RFTN1: variants seen among roughly 807,000 people sequenced by gnomAD.
The protein encoded by RFTN1 is raftlin.
Under a neutral mutation model 46.5 loss-of-function variants are expected in RFTN1, and 26 were observed. That is an observed-to-expected ratio of 0.56 (90% CI 0.41 to 0.78). The LOEUF (loss-of-function observed/expected upper bound fraction) is 0.78. Among genes scored for constraint, RFTN1 ranks in the 30% least tolerant of loss-of-function variants. The pLI is 0.00. For missense variants in RFTN1, 693 were observed against 718.7 expected (o/e 0.96, Z 0.41); for synonymous variants, 261 against 284.2 (o/e 0.92, Z 0.82).
At position 16,507,370 on chromosome 3, in the gene RFTN1, T is replaced by C. The variant is rs1221839613; in HGVS notation, c.-9+6072A>G. ...AAGACCTCTCTAAATTAAAGAAGTG[T>C]TTAAATAAACAACCTGATTTCTTGT... On this transcript the variant is annotated intron_variant, in intron 1 of 9. Coordinates refer to ENST00000334133, the MANE Select transcript of RFTN1 (RefSeq NM_015150.2). The surrounding 1 kb of genome is among the most constrained non-coding windows in gnomAD (Gnocchi z 7.1). 6.6e-6 allele frequency among the ~76,000 whole-genome samples: 1 copy of C among 152,132 alleles called. No individual in the cohort carries two copies. Among genetic ancestry groups the C allele is most frequent in the African/African-American group, 2.4e-5 (1 of 41,412 alleles).
intron 2 of RFTN1, among the ~76,000 whole-genome samples, chr3:16,472,978 A>G (rs189575816): frequency 6.6e-6 from 1 of 152,310 alleles, no homozygotes; most frequent in Admixed American, 6.5e-5. Flanking sequence ...ATCTGCACAG[A>G]GTCAGACAGG....
Position 16,370,141 on chromosome 3 carries a change from A to T in RFTN1, c.965T>A (p.Met322Lys), listed in dbSNP as rs769019259. The change falls in exon 6 of 10, where the codon ATG (methionine) becomes AAG (lysine). Residue 322 changes from methionine (M) to lysine (K), a missense_variant. Met to Lys is a moderately conservative substitution (Grantham distance 95). Transcript: ENST00000334133. The surrounding 1 kb of genome is among the most constrained non-coding windows in gnomAD (Gnocchi z 5.5). ...SGLDANWLEH[M>K]SDHFRKGGML... ...GCCTCCTTTCCGGAAGTGGTCGCTC[A>T]TGTGCTCTAACCAGTTGGCGTCCAA... 2 of 1,614,214 alleles carry T rather than the reference A, an allele frequency of 1.2e-6. No individual in the cohort carries two copies. Among genetic ancestry groups the T allele is most frequent in the Non-Finnish European group, 1.7e-6 (2 of 1,180,034 alleles).
intron 2 of RFTN1, among the ~76,000 whole-genome samples, chr3:16,445,483 T>TCTCACACACACACA (rs1352210263): frequency 1.5e-4 from 19 of 126,856 alleles, no homozygotes; most frequent in African/African-American, 4.9e-4. Flanking sequence ...TCTCTCTCTC[T>TCTCACACACACACA]CACACACACA....
At chr3:16,395,007 A>G (rs2074435065) in intron 4 of RFTN1, among the ~76,000 whole-genome samples, 1 of 152,242 alleles carries the variant, frequency 6.6e-6, no homozygotes, top group Admixed American at 6.5e-5. Flanking sequence ...GCAATAATAC[A>G]TGAAAAAAAA....
In RFTN1 at chr3:16,479,627, G is replaced by A. The variant is rs184538874; in HGVS notation, c.145+14098C>T. Among the ~76,000 whole-genome samples, 145 of 152,310 alleles carry A rather than the reference G, an allele frequency of 9.5e-4. No individual in the cohort carries two copies. The highest frequency in any genetic ancestry group is 3.4e-3 in the Middle Eastern group (1 of 292). The stretch of plus-strand genomic sequence containing the variant: ...AGCAAGCCATGATGGACTGAAGACC[G>A]GTGAGCCCATGCTCAGGGCATCTTT... On this transcript the variant is annotated intron_variant, in intron 2 of 9. Coordinates refer to ENST00000334133, the MANE Select transcript of RFTN1 (RefSeq NM_015150.2). This position sits in a 1 kb window ranked among gnomAD's most constrained non-coding sequence, Gnocchi z 5.1.
rs1402566392 is a variant in RFTN1, at chr3:16,459,727, C to CT, written c.146-25691dup. Reference sequence around the variant, plus strand: ...ATTCACTTGCTTAAATAAGCCATCACTTATATCTAGTCAATATCATCATGT... The same window carrying CT: ...ATTCACTTGCTTAAATAAGCCATCACTTTATATCTAGTCAATATCATCATGT... On this transcript the variant is annotated intron_variant, in intron 2 of 9. Coordinates refer to ENST00000334133, the MANE Select transcript of RFTN1 (RefSeq NM_015150.2). This position sits in a 1 kb window ranked among gnomAD's most constrained non-coding sequence, Gnocchi z 4.2. Among the ~76,000 whole-genome samples the CT allele has an allele frequency of 6.6e-6, 1 of 151,654 alleles. No individual in the cohort carries two copies. Among genetic ancestry groups the CT allele is most frequent in the African/African-American group, 2.4e-5 (1 of 41,068 alleles).
intron 6 of RFTN1, among the ~76,000 whole-genome samples, chr3:16,369,840 C>G (rs2073419467): frequency 6.6e-6 from 1 of 152,218 alleles, no homozygotes; most frequent in Non-Finnish European, 1.5e-5. Context: ...TAGAATCACT[C>G]CACTTTCTCT....
intron 2 of RFTN1, among the ~76,000 whole-genome samples, chr3:16,455,535 A>C (rs1481158160): frequency 6.6e-6 from 1 of 152,200 alleles, no homozygotes; most frequent in African/African-American, 2.4e-5. Flanking sequence ...AAGGATTAGG[A>C]AAATTCTAAA....
intron 6 of RFTN1, among the ~76,000 whole-genome samples, chr3:16,364,105 A>T (rs111967361): frequency 2.6e-5 from 4 of 152,266 alleles, no homozygotes; most frequent in African/African-American, 9.6e-5. Context: ...TACATTCTCA[A>T]TTTGAGGCAA....
At chr3:16,511,676 T>G (rs185282502) in intron 1 of RFTN1, among the ~76,000 whole-genome samples, 1 of 152,112 alleles carries the variant, frequency 6.6e-6, no homozygotes, top group East Asian at 1.9e-4. Flanking sequence ...TGGAAGAACA[T>G]AAGTAGCTTT....
At chr3:16,406,912 C>T (rs994644410) in intron 4 of RFTN1, among the ~76,000 whole-genome samples, 11 of 152,164 alleles carry the variant, frequency 7.2e-5, no homozygotes, top group Admixed American at 6.5e-4. Flanking sequence ...CATGTGCATA[C>T]ACACATCTAT....
rs1224572860 is a variant in RFTN1 at position 16,458,439 on chromosome 3, C to T, written c.146-24402G>A. Reference sequence around the variant, plus strand: ...CTCACTGACATTTGGAAGACATTTTCCCTCCTCATGATGTGAATTTTTCCT... The same window carrying T: ...CTCACTGACATTTGGAAGACATTTTTCCTCCTCATGATGTGAATTTTTCCT... On this transcript the variant is annotated intron_variant, in intron 2 of 9. Coordinates refer to ENST00000334133, the MANE Select transcript of RFTN1 (RefSeq NM_015150.2). This position sits in a 1 kb window ranked among gnomAD's most constrained non-coding sequence, Gnocchi z 5.1. 6.6e-6 allele frequency among the ~76,000 whole-genome samples: 1 copy of T among 152,166 alleles called. No individual in the cohort carries two copies. The highest frequency in any genetic ancestry group is 1.5e-5 in the Non-Finnish European group (1 of 68,026).
Position 16,338,654 on chromosome 3 carries a change from T to C in RFTN1, c.1147-11778A>G, listed in dbSNP as rs1039269407. Among the ~76,000 whole-genome samples, 6 of 152,234 alleles carry C rather than the reference T, an allele frequency of 3.9e-5. No homozygotes were observed. The highest frequency in any genetic ancestry group is 8.8e-5 in the Non-Finnish European group (6 of 68,036). ...TTTGATGAGAGAGAAAACTAGGCTTTCTGGGAGTAAATGGGACTTGCTACT... is the reference window on the plus strand; with the variant it reads ...TTTGATGAGAGAGAAAACTAGGCTTCCTGGGAGTAAATGGGACTTGCTACT... On this transcript the variant is annotated intron_variant, in intron 7 of 9. Transcript: ENST00000334133. The surrounding 1 kb of genome is among the most constrained non-coding windows in gnomAD (Gnocchi z 5.3).
rs1340609569 is a variant in RFTN1, at chr3:16,317,277, C to G, written c.1333-45G>C. ...GGGATAAATAACAAGCCTCCGGGAACCCAGAGCTTCACCCAAAGCCTTGTT... is the reference window on the plus strand; with the variant it reads ...GGGATAAATAACAAGCCTCCGGGAAGCCAGAGCTTCACCCAAAGCCTTGTT... On this transcript the variant is annotated intron_variant, in intron 9 of 9. Coordinates refer to ENST00000334133, the MANE Select transcript of RFTN1 (RefSeq NM_015150.2). This position sits in a 1 kb window ranked among gnomAD's most constrained non-coding sequence, Gnocchi z 4.3. 2 of 1,592,644 alleles carry G rather than the reference C, an allele frequency of 1.3e-6. No homozygotes were observed. Among genetic ancestry groups the G allele is most frequent in the East Asian group, 2.2e-5 (1 of 44,750 alleles).
At position 16,382,946 on chromosome 3, in the gene RFTN1, A is replaced by G. The variant is rs2074043770; in HGVS notation, c.442-4844T>C. Among the ~76,000 whole-genome samples the G allele has an allele frequency of 6.6e-6, 1 of 152,212 alleles. No individual in the cohort carries two copies. Among genetic ancestry groups the G allele is most frequent in the Non-Finnish European group, 1.5e-5 (1 of 68,034 alleles). On this transcript the variant is annotated intron_variant, in intron 4 of 9. Transcript: ENST00000334133. This position sits in a 1 kb window ranked among gnomAD's most constrained non-coding sequence, Gnocchi z 4.7. ...TCACCTCAGCCATGGAGCTCCCCAC[A>G]GACTCCCACGCATGCCCACAACATC... is the stretch of plus-strand genomic sequence containing the variant.
intron 2 of RFTN1, among the ~76,000 whole-genome samples, chr3:16,438,191 TAATAA>T (rs2075551727): frequency 6.6e-6 from 1 of 152,220 alleles, no homozygotes; most frequent in East Asian, 1.9e-4. Context: ...CTTCCTGCTA[TAATAA>T]AATAAACCTT....
At chr3:16,391,876 T>G (rs1032391821) in intron 4 of RFTN1, among the ~76,000 whole-genome samples, 23 of 25,876 alleles carry the variant, frequency 8.9e-4, no homozygotes, top group Admixed American at 7.3e-3. Context: ...TTTGTTTTTT[T>G]TTTTTGTTTT....
chr3:16,455,333 C>G (rs2075887674), intron 2 of RFTN1, among the ~76,000 whole-genome samples: 1 of 152,206 alleles, frequency 6.6e-6, no homozygotes, highest in Admixed American at 6.5e-5. Context: ...AATCTGTTCA[C>G]TTCTACTTTG....
Position 16,433,654 on chromosome 3 carries a change from C to G in RFTN1, c.332+197G>C, listed in dbSNP as rs992521463. Among the ~76,000 whole-genome samples, 2 of 152,198 alleles carry G rather than the reference C, an allele frequency of 1.3e-5. No individual in the cohort carries two copies. The highest frequency in any genetic ancestry group is 4.8e-5 in the African/African-American group (2 of 41,438). On this transcript the variant is annotated intron_variant, in intron 3 of 9. Coordinates refer to ENST00000334133, the MANE Select transcript of RFTN1 (RefSeq NM_015150.2). The surrounding 1 kb of genome is among the most constrained non-coding windows in gnomAD (Gnocchi z 4.4). The stretch of plus-strand genomic sequence containing the variant: ...AACTCTCTACTTGCAGTTGGACATG[C>G]ATTTGTTTTTCATCGCAGGATGCTA...
Sources: allele counts gnomAD v4.1 joint callset (sites outside exome capture counted in the v4.1 genomes callset), GRCh38; gene constraint gnomAD v4.1.1; non-coding constraint Gnocchi (gnomAD v3.1); transcripts MANE v1.5; gene names NCBI Gene and HGNC (gene_info 2026-07-23, HGNC 2026-07-21).